The following UTP20 variants were observed in gnomAD, a reference collection of about 807,000 sequenced individuals.
UTP20 encodes the protein UTP20 small subunit processome component, also known as small subunit processome component 20 homolog.
A neutral mutation model predicts 329.5 loss-of-function variants in UTP20; 164 were observed. The ratio of observed to expected loss-of-function variants is 0.50; its 90% CI spans 0.44 to 0.57. The LOEUF is 0.57. Ranked by LOEUF, UTP20 falls within the 20% of genes least tolerant of loss-of-function variation. The probability of loss-of-function intolerance (pLI) is 0.00; values close to 1 mark genes in which losing one functional copy is unlikely to be tolerated. For missense variants in UTP20, 3,055 were observed against 3,284.2 expected (o/e 0.93, Z 1.71); for synonymous variants, 1,151 against 1,159.3 (o/e 0.99, Z 0.14).
chr12:101,382,545 A>G (rs1435485631), intron 58 of UTP20, among the ~76,000 whole-genome samples: 1 of 152,196 alleles, frequency 6.6e-6, no homozygotes, highest in Non-Finnish European at 1.5e-5. Context: ...TGGATGCCCT[A>G]TGAGGAAGAA....
chr12:101,286,975 C>T (rs1871979440), intron 5 of UTP20, among the ~76,000 whole-genome samples: 1 of 152,084 alleles, frequency 6.6e-6, no homozygotes, highest in African/African-American at 2.4e-5. Flanking sequence ...GAAAGAGACA[C>T]TCAGTATTTG....
At chr12:101,383,913 G>A (rs1243748754) in intron 60 of UTP20, among the ~76,000 whole-genome samples, 1 of 151,408 alleles carries the variant, frequency 6.6e-6, no homozygotes, top group African/African-American at 2.4e-5. Flanking sequence ...TGCCAGGCTG[G>A]TCTTGGTCTC....
chr12:101,326,117 T>G (rs1868542678), intron 25 of UTP20, among the ~76,000 whole-genome samples: 2 of 152,190 alleles, frequency 1.3e-5, no homozygotes, highest in Middle Eastern at 3.2e-3. Context: ...TCAAGTTTGT[T>G]GAACATATAT....
At chr12:101,320,452 A>G (rs1445788835) in intron 23 of UTP20, among the ~76,000 whole-genome samples, 1 of 152,032 alleles carries the variant, frequency 6.6e-6, no homozygotes, top group Non-Finnish European at 1.5e-5. Context: ...GCTTCTCGGG[A>G]GGCTGAGGCA....
chr12:101,371,103 A>G lies in UTP20; in HGVS notation c.6733A>G (p.Met2245Val). 6.2e-7 allele frequency: 1 copy of G among 1,614,208 alleles called. No homozygotes were observed. The highest frequency in any genetic ancestry group is 8.5e-7 in the Non-Finnish European group (1 of 1,180,024). ...GTTGGTCCCAGAAATCGATGAGGTC[A>G]TGCGGAAAGTATCCAAGTTGGCAGT... ...KLLVPEIDEV[M>V]RKVSKLAVSA... Residue 2245 changes from methionine to valine, a missense_variant, in exon 51 of 62, where the codon ATG becomes GTG. Met to Val is a conservative substitution (Grantham distance 21). Coordinates refer to ENST00000261637, the MANE Select transcript of UTP20 (RefSeq NM_014503.3).
At position 101,361,012 on chromosome 12, in the gene UTP20, G is replaced by T. The variant is rs192510105; in HGVS notation, c.5692-950G>T. The stretch of plus-strand genomic sequence containing the variant: ...AGCTTGAGAGGCAGGATAACCTGTT[G>T]TGGAGCCTGGGACTCTGGTTTCTAA... On this transcript the variant is annotated intron_variant, in intron 43 of 61. Coordinates refer to ENST00000261637, the MANE Select transcript of UTP20 (RefSeq NM_014503.3). Among the ~76,000 whole-genome samples, 40 of 152,304 alleles carry T rather than the reference G, an allele frequency of 2.6e-4. No homozygotes were observed. The East Asian group carries it at 6.9e-3, about 26-fold the overall frequency.
intron 31 of UTP20, 36 bp from the exon 32 acceptor site, chr12:101,340,487 A>T: frequency 1.5e-6 from 2 of 1,302,430 alleles, no homozygotes; most frequent in South Asian, 1.3e-5. Context: ...ATATCCTTGT[A>T]TATGTTCCTT....
chr12:101,346,740 A>G, intron 38 of UTP20, 152 bp downstream of exon 38: 1 of 757,312 alleles, frequency 1.3e-6, no homozygotes, highest in Admixed American at 3.5e-5. Flanking sequence ...TGTGTCTGAC[A>G]CATAGTAAAT....
chr12:101,334,367 G>C (rs1868865629), intron 28 of UTP20, 58 bp from the exon 29 acceptor site: 3 of 1,443,914 alleles, frequency 2.1e-6, no homozygotes, highest in Non-Finnish European at 2.9e-6. Flanking sequence ...AGTTATTTGT[G>C]GTTTTTCTAT....
chr12:101,317,760 A>G (rs1873022844), intron 22 of UTP20, 97 bp downstream of exon 22: 2 of 1,267,328 alleles, frequency 1.6e-6, no homozygotes, highest in African/African-American at 3.0e-5. Context: ...TACTCAGATA[A>G]TTATTTACGT....
chr12:101,375,777 T>C, intron 56 of UTP20, 21 bp downstream of exon 56: 1 of 1,457,926 alleles, frequency 6.9e-7, no homozygotes. Flanking sequence ...CCTTTTTTAT[T>C]TAAATCAAAC....
At chr12:101,313,375 G>C (rs1156892885) in intron 21 of UTP20, among the ~76,000 whole-genome samples, 1 of 146,706 alleles carries the variant, frequency 6.8e-6, no homozygotes, top group East Asian at 2.2e-4. Flanking sequence ...ATGAAAGTGT[G>C]TAGGCCTTTA....
chr12:101,339,292 G>C (rs994495843), intron 31 of UTP20, among the ~76,000 whole-genome samples: 1 of 151,928 alleles, frequency 6.6e-6, no homozygotes, highest in Non-Finnish European at 1.5e-5. Context: ...CAGCCTGGGC[G>C]ACAGAGTGAG....
rs569652468 is a variant in UTP20, at chr12:101,314,063, A to C, written c.2552+1787A>C. Among the ~76,000 whole-genome samples the C allele has an allele frequency of 5.3e-5, 8 of 152,334 alleles. No individual in the cohort carries two copies. The South Asian group carries it at 1.7e-3, about 32-fold the overall frequency. On this transcript the variant is annotated intron_variant, in intron 21 of 61. Transcript: ENST00000261637. ...TCAGATACGGAATAAAGTCATCTAG[A>C]GTGTGACTGTAGAGAGAAAAGACTT...
At chr12:101,319,029 T>G (rs1407337904) in intron 22 of UTP20, among the ~76,000 whole-genome samples, 1 of 152,192 alleles carries the variant, frequency 6.6e-6, no homozygotes, top group Non-Finnish European at 1.5e-5. Flanking sequence ...TCCCACGATT[T>G]CAGTTACCCA....
At chr12:101,299,386 A>G (rs1182670970) in intron 12 of UTP20, among the ~76,000 whole-genome samples, 3 of 152,240 alleles carry the variant, frequency 2.0e-5, no homozygotes, top group Admixed American at 6.5e-5. Flanking sequence ...GTGAATTGTC[A>G]ATCAAAAACA....
intron 43 of UTP20, among the ~76,000 whole-genome samples, chr12:101,359,629 T>C (rs993806406): frequency 6.6e-6 from 1 of 152,188 alleles, no homozygotes; most frequent in Non-Finnish European, 1.5e-5. Flanking sequence ...CCAATGAGTT[T>C]CTTATTTCAG....
At chr12:101,334,598 C>T (rs1868874124) in intron 29 of UTP20, 94 bp downstream of exon 29, 1 of 1,038,200 alleles carries the variant, frequency 9.6e-7, no homozygotes, top group African/African-American at 1.6e-5. Context: ...AATTTATGGT[C>T]TTTCCATACA....
chr12:101,357,147 C>G, intron 43 of UTP20, 65 bp downstream of exon 43: 1 of 1,462,860 alleles, frequency 6.8e-7, no homozygotes, highest in Non-Finnish European at 9.2e-7. Flanking sequence ...AGCTTGAACA[C>G]TGTAAGTTAT....
Sources: gnomAD v4.1 joint callset for allele counts (sites outside exome capture counted in the v4.1 genomes callset) on GRCh38, gnomAD v4.1.1 for gene constraint, MANE v1.5 for transcripts, NCBI Gene and HGNC (gene_info 2026-07-23, HGNC 2026-07-21) for gene names.